TNIK: variants seen among roughly 807,000 people sequenced by gnomAD.
TNIK encodes the protein TRAF2 and NCK interacting kinase.
In TNIK, 49 loss-of-function variants were observed where a neutral mutation model predicts 191.3. The observed-to-expected ratio is 0.26, with a 90% CI of 0.20 to 0.32. TNIK has a LOEUF of 0.32. TNIK is among the 10% of genes least tolerant of loss of function. TNIK has a pLI of 1.00. For missense variants in TNIK, 1,155 were observed against 1,702.3 expected, an observed-to-expected ratio of 0.68 and a Z score of 5.66; for synonymous variants, 594 against 600.9, an observed-to-expected ratio of 0.99 and a Z score of 0.17.
At chr3:171,435,056 T>C (rs62281656) in intron 1 of TNIK, among the ~76,000 whole-genome samples, 33,863 of 152,088 alleles carry the variant, frequency 0.22, 5,777 homozygotes, top group African/African-American at 0.48. Flanking sequence ...AGGGACCTGA[T>C]ACGTTTATTC....
intron 3 of TNIK, among the ~76,000 whole-genome samples, chr3:171,217,460 G>A (rs73171538): frequency 6.6e-6 from 1 of 151,918 alleles, no homozygotes; most frequent in Non-Finnish European, 1.5e-5. Context: ...GTACCTGGGT[G>A]ACAGAATCAT....
At chr3:171,296,199 T>C (rs751733440) in intron 2 of TNIK, among the ~76,000 whole-genome samples, 12 of 152,144 alleles carry the variant, frequency 7.9e-5, no homozygotes, top group Non-Finnish European at 1.8e-4. Flanking sequence ...ACCCCCACTA[T>C]TTTAAATTCC....
Position 171,342,131 on chromosome 3 carries a change from A to C in TNIK, c.123+27489T>G, listed in dbSNP as rs951927724. On this transcript the variant is annotated intron_variant, in intron 2 of 32. Transcript: ENST00000436636. Reference sequence around the variant, plus strand: ...ATATAAATTACGAAGACTAGATCTGAAACTATAAAGCTTTTAAAGCTGTCA... The same window carrying C: ...ATATAAATTACGAAGACTAGATCTGCAACTATAAAGCTTTTAAAGCTGTCA... 3.4e-4 allele frequency among the ~76,000 whole-genome samples: 51 copies of C among 152,216 alleles called. 2 individuals are homozygous for C. Among genetic ancestry groups the C allele is most frequent in the Admixed American group, 3.1e-3 (48 of 15,278 alleles).
chr3:171,062,692 C>G lies in TNIK; in HGVS notation c.*1189G>C, dbSNP rs1280024017. The G allele has an allele frequency of 6.6e-6, 1 of 152,172 alleles. No homozygotes were observed. The highest frequency in any genetic ancestry group is 1.5e-5 in the Non-Finnish European group (1 of 68,012). The allele number at this position is 152,172 out of a possible 1,614,324, so 9.4% of individuals were successfully genotyped here. A position where few individuals can be genotyped will look rare whatever the true frequency, so the allele number is the denominator to read the frequency against. On this transcript the variant is annotated 3_prime_UTR_variant, in exon 33 of 33. Transcript: ENST00000436636. ...TCTAAAATTGGAGCCAATGATGCCT[C>G]TTGTATCTGAGGCAGGCTTAGGAGT... is the stretch of plus-strand genomic sequence containing the variant.
intron 1 of TNIK, among the ~76,000 whole-genome samples, chr3:171,444,508 G>T (rs74867140): frequency 6.7e-6 from 1 of 149,984 alleles, no homozygotes; most frequent in Non-Finnish European, 1.5e-5. Flanking sequence ...ACAGGAAATC[G>T]ACATCAGAAG....
chr3:171,087,580 AGCATAG>A, intron 23 of TNIK, 74 bp from the exon 24 acceptor site: 2 of 1,542,742 alleles, frequency 1.3e-6, no homozygotes, highest in Non-Finnish European at 8.9e-7. Context: ...GCCCTCACAC[AGCATAG>A]GCATACGGGG....
At chr3:171,395,548 C>T (rs866338486) in intron 1 of TNIK, among the ~76,000 whole-genome samples, 4 of 152,062 alleles carry the variant, frequency 2.6e-5, no homozygotes, top group African/African-American at 9.7e-5. Flanking sequence ...TCAAGAAGTA[C>T]TAGGAAATAG....
chr3:171,120,722 A>G (rs943842508), intron 18 of TNIK, among the ~76,000 whole-genome samples: 6 of 152,134 alleles, frequency 3.9e-5, no homozygotes. Flanking sequence ...CTAAGTGGTG[A>G]CTTGGGGGTC....
intron 21 of TNIK, among the ~76,000 whole-genome samples, chr3:171,103,840 C>T (rs904955609): frequency 7.2e-5 from 11 of 151,864 alleles, no homozygotes; most frequent in South Asian, 4.1e-4. Flanking sequence ...CATTTCAAAA[C>T]GAGACAAAAG....
chr3:171,155,065 A>G (rs1732983550), intron 12 of TNIK, among the ~76,000 whole-genome samples: 1 of 152,252 alleles, frequency 6.6e-6, no homozygotes, highest in Non-Finnish European at 1.5e-5. Flanking sequence ...TACAAAAGCT[A>G]CAAGCTACAT....
chr3:171,188,375 T>TA (rs1274319330), intron 7 of TNIK, among the ~76,000 whole-genome samples: 5 of 152,198 alleles, frequency 3.3e-5, no homozygotes, highest in Non-Finnish European at 4.4e-5. Context: ...TCAGAATATA[T>TA]ACTCTTCCAA....
At chr3:171,101,724 G>GAA in intron 21 of TNIK, 91 bp from the exon 22 acceptor site, 12 of 1,187,476 alleles carry the variant, frequency 1.0e-5, no homozygotes, top group South Asian at 1.6e-5. Flanking sequence ...TAAGCAACAA[G>GAA]AAAAAAAAAA....
At chr3:171,173,117 G>A (rs1310762061) in intron 9 of TNIK, among the ~76,000 whole-genome samples, 1 of 151,748 alleles carries the variant, frequency 6.6e-6, no homozygotes, top group African/African-American at 2.4e-5. Context: ...AGGCGCGGTG[G>A]CTCACGCCTG....
chr3:171,198,640 C>T (rs556610467), intron 4 of TNIK, among the ~76,000 whole-genome samples: 1 of 152,238 alleles, frequency 6.6e-6, no homozygotes, highest in Admixed American at 6.5e-5. Context: ...TGGGGTGGAA[C>T]TGGCCACTGA....
intron 12 of TNIK, among the ~76,000 whole-genome samples, chr3:171,146,529 T>A (rs1039309075): frequency 1.3e-5 from 2 of 152,138 alleles, no homozygotes; most frequent in African/African-American, 4.8e-5. Context: ...TAAAATGGTT[T>A]GGAAACAGAC....
chr3:171,329,698 G>GA (rs1236755493), intron 2 of TNIK, among the ~76,000 whole-genome samples: 13 of 152,268 alleles, frequency 8.5e-5, no homozygotes, highest in African/African-American at 2.6e-4. Flanking sequence ...CACTGTGAAT[G>GA]AAAAAAGCCT....
At chr3:171,353,336 G>C (rs1019234801) in intron 2 of TNIK, among the ~76,000 whole-genome samples, 2 of 152,194 alleles carry the variant, frequency 1.3e-5, no homozygotes, top group African/African-American at 4.8e-5. Flanking sequence ...CTGTCAGTGT[G>C]ACCTAGGGTA....
intron 14 of TNIK, 146 bp downstream of exon 14, chr3:171,139,324 G>A (rs1167781815): frequency 1.0e-5 from 7 of 696,296 alleles, no homozygotes. Context: ...GGTCCCTGAG[G>A]CTTAGAAGAT....
At chr3:171,215,010 T>C (rs1409399722) in intron 3 of TNIK, among the ~76,000 whole-genome samples, 3 of 152,156 alleles carry the variant, frequency 2.0e-5, no homozygotes, top group African/African-American at 7.2e-5. Flanking sequence ...GGAGTCCATT[T>C]CTCTTCTCCT....
Sources: gnomAD v4.1 joint callset for allele counts (sites outside exome capture counted in the v4.1 genomes callset) on GRCh38, gnomAD v4.1.1 for gene constraint, MANE v1.5 for transcripts, NCBI Gene and HGNC (gene_info 2026-07-23, HGNC 2026-07-21) for gene names.